Variants in ANXA8 observed in about 807,000 individuals in gnomAD.
ANXA8 encodes annexin A8, also known as VAC-beta.
A neutral mutation model predicts 26.8 loss-of-function variants in ANXA8; 9 were observed. That is an observed-to-expected ratio of 0.34 (90% CI 0.20 to 0.59). ANXA8 has a LOEUF of 0.59. Ranked by LOEUF, ANXA8 falls within the 20% of genes least tolerant of loss-of-function variation. The pLI, the probability that ANXA8 is intolerant of heterozygous loss-of-function variation, is 0.84. For missense variants in ANXA8, 83 were observed against 238.5 expected, an observed-to-expected ratio of 0.35 and a Z score of 4.29; for synonymous variants, 39 against 94.8, an observed-to-expected ratio of 0.41 and a Z score of 3.42.
chr10:47,496,373 TTAGA>T, the ANXA8 span: 1 of 151,258 alleles, frequency 6.6e-6, no homozygotes, highest in Admixed American at 6.6e-5. Flanking sequence ...CATGCACCTC[TTAGA>T]TAGCCACAGT....
At chr10:47,489,012 G>A (rs1431849322), upstream of ANXA8, among the ~76,000 whole-genome samples, 1 of 145,336 alleles carries the variant, frequency 6.9e-6, no homozygotes. Context: ...ACCGCCCCCA[G>A]CAATTATTTT....
chr10:47,565,363 G>C, the ANXA8 span: 1 of 511,262 alleles, frequency 2.0e-6, no homozygotes, highest in Middle Eastern at 5.2e-4. Context: ...CCAGCACGCT[G>C]CAGCAGGGCC....
chr10:47,607,536 C>T, the ANXA8 span, among the ~76,000 whole-genome samples: 10 of 143,806 alleles, frequency 7.0e-5, no homozygotes, highest in Non-Finnish European at 1.4e-4. Flanking sequence ...GTACAATCAT[C>T]CATTACTTTA....
At chr10:47,664,325 T>C in the ANXA8 span, among the ~76,000 whole-genome samples, 1 of 149,448 alleles carries the variant, frequency 6.7e-6, no homozygotes. Context: ...TTGCAGTGAG[T>C]TGAGAATGTG....
At chr10:47,548,515 G>C in the ANXA8 span, among the ~76,000 whole-genome samples, 1 of 152,086 alleles carries the variant, frequency 6.6e-6, no homozygotes, top group African/African-American at 2.4e-5. Flanking sequence ...TGGTCAGGCT[G>C]GTCTCGAACT....
chr10:47,649,226 CTCA>C, the ANXA8 span, among the ~76,000 whole-genome samples: 1 of 149,840 alleles, frequency 6.7e-6, no homozygotes, highest in Non-Finnish European at 1.5e-5. Flanking sequence ...TGTTATTGCC[CTCA>C]TCATACTGTA....
chr10:47,560,818 A>AT, the ANXA8 span, among the ~76,000 whole-genome samples: 197 of 149,252 alleles, frequency 1.3e-3, 2 homozygotes, highest in South Asian at 4.6e-3. Context: ...TGTTAAAACA[A>AT]TTTTTTTTTT....
At chr10:47,495,820 C>T in the ANXA8 span, among the ~76,000 whole-genome samples, 1 of 151,274 alleles carries the variant, frequency 6.6e-6, no homozygotes, top group African/African-American at 2.4e-5. Flanking sequence ...TGCAGAAGAA[C>T]AGGGCATGGG....
At chr10:47,762,207 C>T in the ANXA8 span, among the ~76,000 whole-genome samples, 4 of 151,958 alleles carry the variant, frequency 2.6e-5, no homozygotes, top group South Asian at 2.1e-4. Flanking sequence ...GTTGGTGCGA[C>T]GCGGTGGACG....
At chr10:47,974,035 T>C in the ANXA8 span, among the ~76,000 whole-genome samples, 1 of 150,834 alleles carries the variant, frequency 6.6e-6, no homozygotes, top group African/African-American at 2.4e-5. Flanking sequence ...CCATTTCCTC[T>C]AGATTTTCTA....
At chr10:47,658,382 T>C in the ANXA8 span, among the ~76,000 whole-genome samples, 4 of 144,860 alleles carry the variant, frequency 2.8e-5, no homozygotes, top group African/African-American at 1.1e-4. Flanking sequence ...CAAGACTCTG[T>C]CTCAAAAAAA....
chr10:47,946,454 G>A, the ANXA8 span, among the ~76,000 whole-genome samples: 16 of 150,422 alleles, frequency 1.1e-4, no homozygotes, highest in Non-Finnish European at 2.1e-4. Flanking sequence ...CAACATCAAG[G>A]CCAGAGCCTG....
the ANXA8 span, among the ~76,000 whole-genome samples, chr10:47,694,756 C>A: frequency 6.6e-6 from 1 of 151,760 alleles, no homozygotes; most frequent in African/African-American, 2.4e-5. Flanking sequence ...GTATTCCAGA[C>A]CTTGTTGAAT....
At chr10:47,553,937 G>T in the ANXA8 span, among the ~76,000 whole-genome samples, 64 of 149,326 alleles carry the variant, frequency 4.3e-4, 2 homozygotes, top group African/African-American at 1.5e-3. Context: ...CCTCTGTAAA[G>T]ATGACAGACG....
chr10:47,687,556 C>T, the ANXA8 span, among the ~76,000 whole-genome samples: 36 of 151,840 alleles, frequency 2.4e-4, no homozygotes, highest in Admixed American at 2.2e-3. Flanking sequence ...TGAGCCACCA[C>T]GCCTGGCCCC....
the ANXA8 span, among the ~76,000 whole-genome samples, chr10:47,537,601 T>C: frequency 2.2e-5 from 3 of 139,392 alleles, no homozygotes; most frequent in Admixed American, 7.3e-5. Context: ...TATTTGTATA[T>C]ACACATATTA....
chr10:47,750,016 T>C, the ANXA8 span, among the ~76,000 whole-genome samples: 2 of 152,048 alleles, frequency 1.3e-5, no homozygotes, highest in African/African-American at 4.8e-5. Flanking sequence ...TAAATGGGTA[T>C]GAGCCTAATA....
chr10:47,664,662 C>T, the ANXA8 span, among the ~76,000 whole-genome samples: 6 of 150,664 alleles, frequency 4.0e-5, no homozygotes, highest in Admixed American at 4.0e-4. Context: ...ATAACTTTGT[C>T]AACTTCACTT....
upstream of ANXA8, among the ~76,000 whole-genome samples, chr10:47,486,135 T>A (rs1198827143): frequency 2.0e-5 from 3 of 150,446 alleles, no homozygotes; most frequent in Non-Finnish European, 4.4e-5. Context: ...AACAGCAGCT[T>A]CTAGGATGAT....
Sources: gnomAD v4.1 joint callset for allele counts (sites outside exome capture counted in the v4.1 genomes callset) on GRCh38, gnomAD v4.1.1 for gene constraint, MANE v1.5 for transcripts, NCBI Gene and HGNC (gene_info 2026-07-23, HGNC 2026-07-21) for gene names.